RAD51B: variants seen among roughly 807,000 people sequenced by gnomAD.
RAD51B encodes DNA repair protein RAD51 homolog 2.
In RAD51B, 38 loss-of-function variants were observed where a neutral mutation model predicts 42.2. That is an observed-to-expected ratio of 0.90 (90% CI 0.70 to 1.18). The LOEUF is 1.18. RAD51B is among the 50% of genes most tolerant of loss of function. RAD51B has a pLI of 0.00. For synonymous variants in RAD51B, 154 were observed against 145.2 expected, an observed-to-expected ratio of 1.06 and a Z score of -0.43; for missense variants, 373 against 400.7, an observed-to-expected ratio of 0.93 and a Z score of 0.59.
intron 4 of RAD51B, among the ~76,000 whole-genome samples, chr14:67,864,395 TA>T (rs1378328599): frequency 6.6e-6 from 1 of 152,242 alleles, no homozygotes; most frequent in Non-Finnish European, 1.5e-5. Flanking sequence ...CAGTTGTTTA[TA>T]AAGCAATAAA....
chr14:68,254,579 T>G (rs1311216990), intron 7 of RAD51B, among the ~76,000 whole-genome samples: 1 of 152,234 alleles, frequency 6.6e-6, no homozygotes, highest in Non-Finnish European at 1.5e-5. Flanking sequence ...TTGACAATAT[T>G]GTAGTTGATC....
intron 7 of RAD51B, among the ~76,000 whole-genome samples, chr14:67,977,495 G>A (rs909048018): frequency 3.4e-4 from 51 of 152,204 alleles, no homozygotes; most frequent in African/African-American, 1.1e-3. Context: ...GTTGCCTAGA[G>A]CAGAACAGGT....
At chr14:68,386,902 A>G (rs552599004) in intron 8 of RAD51B, among the ~76,000 whole-genome samples, 1 of 152,366 alleles carries the variant, frequency 6.6e-6, no homozygotes, top group Non-Finnish European at 1.5e-5. Flanking sequence ...TGACATAGAA[A>G]AATTGGAATT....
intron 7 of RAD51B, among the ~76,000 whole-genome samples, chr14:67,955,804 A>C (rs2074535398): frequency 6.6e-6 from 1 of 152,260 alleles, no homozygotes; most frequent in Non-Finnish European, 1.5e-5. Context: ...TTTTGTTAAC[A>C]TGAATGTGTC....
chr14:68,267,678 G>T (rs2081019464), intron 7 of RAD51B, among the ~76,000 whole-genome samples: 1 of 152,116 alleles, frequency 6.6e-6, no homozygotes, highest in South Asian at 2.1e-4. Flanking sequence ...AAAATATTTT[G>T]CTTATGGGCC....
chr14:68,479,367 C>A (rs1182415286), downstream of RAD51B, among the ~76,000 whole-genome samples: 1 of 152,182 alleles, frequency 6.6e-6, no homozygotes, highest in African/African-American at 2.4e-5. Flanking sequence ...ACAGCAGAGG[C>A]AGGAAGGCCG....
chr14:68,279,442 G>A (rs566516214), intron 7 of RAD51B, among the ~76,000 whole-genome samples: 1 of 152,062 alleles, frequency 6.6e-6, no homozygotes, highest in Admixed American at 6.6e-5. Flanking sequence ...TTTTTTCAAA[G>A]GGATCATGGT....
intron 7 of RAD51B, among the ~76,000 whole-genome samples, chr14:67,924,622 T>C (rs2066501318): frequency 6.6e-6 from 1 of 152,100 alleles, no homozygotes; most frequent in Non-Finnish European, 1.5e-5. Flanking sequence ...AACCATCAGA[T>C]CTCGTGAGAC....
chr14:68,302,425 C>A (rs2081761117), intron 8 of RAD51B, among the ~76,000 whole-genome samples: 1 of 152,028 alleles, frequency 6.6e-6, no homozygotes, highest in Non-Finnish European at 1.5e-5. Flanking sequence ...GAATTAACAG[C>A]AGTTCTTAAT....
At chr14:67,973,671 T>A (rs906969542) in intron 7 of RAD51B, among the ~76,000 whole-genome samples, 3 of 152,150 alleles carry the variant, frequency 2.0e-5, no homozygotes, top group Non-Finnish European at 4.4e-5. Flanking sequence ...TGGCAGCTGT[T>A]CTGAGTAAAT....
intron 8 of RAD51B, among the ~76,000 whole-genome samples, chr14:68,364,097 G>T (rs2083089381): frequency 6.6e-6 from 1 of 152,134 alleles, no homozygotes; most frequent in Non-Finnish European, 1.5e-5. Context: ...GTTCCTTCCC[G>T]ATCCGCTCAT....
chr14:68,382,409 G>C (rs2083498208), intron 8 of RAD51B, among the ~76,000 whole-genome samples: 1 of 152,190 alleles, frequency 6.6e-6, no homozygotes, highest in African/African-American at 2.4e-5. Flanking sequence ...AGCGCCATAA[G>C]ATATTTTGTG....
intron 7 of RAD51B, among the ~76,000 whole-genome samples, chr14:68,051,403 C>T (rs1436073697): frequency 6.6e-6 from 1 of 151,772 alleles, no homozygotes; most frequent in Non-Finnish European, 1.5e-5. Flanking sequence ...TGTTTGTTTT[C>T]AACATATATA....
chr14:68,543,225 G>A (rs1019798187), intron 10 of RAD51B, among the ~76,000 whole-genome samples: 3 of 152,156 alleles, frequency 2.0e-5, no homozygotes, highest in African/African-American at 7.2e-5. Context: ...ATAGGTAGTG[G>A]GCTGGATTTG....
intron 10 of RAD51B, among the ~76,000 whole-genome samples, chr14:68,471,231 C>T (rs886419976): frequency 4.6e-5 from 7 of 152,054 alleles, no homozygotes; most frequent in Non-Finnish European, 5.9e-5. Flanking sequence ...CCACTGTGGC[C>T]GACATTCGGT....
chr14:68,652,535 G>A (rs78796482), intron 11 of RAD51B, among the ~76,000 whole-genome samples: 2 of 152,334 alleles, frequency 1.3e-5, no homozygotes, highest in South Asian at 2.1e-4. Context: ...CGTGCTGTGC[G>A]TTCTTGCCCA....
At chr14:68,586,201 C>T (rs1468127363) in intron 10 of RAD51B, among the ~76,000 whole-genome samples, 1 of 152,108 alleles carries the variant, frequency 6.6e-6, no homozygotes, top group African/African-American at 2.4e-5. Context: ...AGTAGATTCG[C>T]CCTGAGGACT....
Position 68,148,262 on chromosome 14 carries a change from G to A in RAD51B, c.757-143622G>A, listed in dbSNP as rs137861538. The stretch of plus-strand genomic sequence containing the variant: ...TATTTTGGGTTCTTTCTAGTTTATG[G>A]CTATTACAAATAAATCTACTATGAA... On this transcript the variant is annotated intron_variant, in intron 7 of 10. Transcript: ENST00000471583. 3.7e-3 allele frequency among the ~76,000 whole-genome samples: 562 copies of A among 152,200 alleles called. 1 individual carries two copies. The highest frequency in any genetic ancestry group is 6.8e-3 in the Middle Eastern group (2 of 294).
chr14:68,072,283 A>ATT (rs1314935816), intron 7 of RAD51B, among the ~76,000 whole-genome samples: 2 of 148,668 alleles, frequency 1.3e-5, no homozygotes, highest in Admixed American at 6.8e-5. Flanking sequence ...TTTATTAAGC[A>ATT]TTATATATAT....
Sources: allele counts gnomAD v4.1 joint callset (sites outside exome capture counted in the v4.1 genomes callset), GRCh38; gene constraint gnomAD v4.1.1; transcripts MANE v1.5; gene names NCBI Gene and HGNC (gene_info 2026-07-23, HGNC 2026-07-21).